The following DENND1B variants were observed in gnomAD, a reference collection of about 807,000 sequenced individuals.
The protein encoded by DENND1B is DENN domain-containing protein 1B.
DENND1B carries 59 observed loss-of-function variants against 90.1 expected under a neutral mutation model. That is an observed-to-expected ratio of 0.65 (90% CI 0.53 to 0.81). The LOEUF is 0.81. Ranked by LOEUF, DENND1B falls within the 40% of genes least tolerant of loss-of-function variation. The pLI is 0.00. For missense variants in DENND1B, 862 were observed against 912.6 expected, an observed-to-expected ratio of 0.94 and a Z score of 0.71; for synonymous variants, 337 against 324.6, an observed-to-expected ratio of 1.04 and a Z score of -0.41.
chr1:197,666,062 A>G (rs1002855830), intron 5 of DENND1B, among the ~76,000 whole-genome samples: 3 of 152,184 alleles, frequency 2.0e-5, no homozygotes, highest in Non-Finnish European at 4.4e-5. Flanking sequence ...ATATTTTAAC[A>G]TCCAAAAGTC....
Position 197,505,855 on chromosome 1 carries a change from T to A in DENND1B, c.*4605A>T. On this transcript the variant is annotated 3_prime_UTR_variant, in exon 23 of 23. Coordinates refer to ENST00000620048, the MANE Select transcript of DENND1B (RefSeq NM_001195215.2). ...GATTTAGGTGGTGCAGAACTGAGTA[T>A]CTGTTAAATGTACACATGTAGAATC... 6.6e-6 allele frequency: 1 copy of A among 151,662 alleles called. No individual in the cohort carries two copies. Among genetic ancestry groups the A allele is most frequent in the East Asian group, 1.9e-4 (1 of 5,154 alleles). 9.4% of individuals were successfully genotyped at this position (151,662 alleles called of 1,614,324 possible).
intron 2 of DENND1B, among the ~76,000 whole-genome samples, chr1:197,738,514 A>C (rs969291659): frequency 6.6e-6 from 1 of 152,214 alleles, no homozygotes; most frequent in Non-Finnish European, 1.5e-5. Context: ...TGGGTTATTA[A>C]CTGTGAAACA....
chr1:197,722,303 A>G (rs1262165847), intron 2 of DENND1B, among the ~76,000 whole-genome samples: 1 of 152,144 alleles, frequency 6.6e-6, no homozygotes, highest in Non-Finnish European at 1.5e-5. Context: ...TTAATCACCC[A>G]AAGTTACACT....
chr1:197,590,315 G>A (rs1675083863), intron 14 of DENND1B, among the ~76,000 whole-genome samples: 1 of 152,068 alleles, frequency 6.6e-6, no homozygotes, highest in Non-Finnish European at 1.5e-5. Flanking sequence ...GTTGGTCACC[G>A]AATGAGGATG....
intron 5 of DENND1B, among the ~76,000 whole-genome samples, chr1:197,668,617 T>A (rs991536253): frequency 1.3e-5 from 2 of 151,552 alleles, no homozygotes; most frequent in African/African-American, 2.4e-5. Context: ...GTTACTCTCA[T>A]TGTTTGTATA....
intron 2 of DENND1B, among the ~76,000 whole-genome samples, chr1:197,722,461 T>G (rs1558444580): frequency 6.6e-6 from 1 of 152,136 alleles, no homozygotes; most frequent in Non-Finnish European, 1.5e-5. Flanking sequence ...CATTAGACAG[T>G]AATTTAAAGA....
intron 2 of DENND1B, among the ~76,000 whole-genome samples, chr1:197,722,360 T>A (rs1924515): frequency 5.9e-4 from 90 of 152,254 alleles, no homozygotes; most frequent in African/African-American, 2.1e-3. Context: ...AGACTAGGAT[T>A]CAGGTATCCT....
At chr1:197,646,211 G>A (rs1680722086) in intron 8 of DENND1B, among the ~76,000 whole-genome samples, 1 of 151,762 alleles carries the variant, frequency 6.6e-6, no homozygotes, top group Non-Finnish European at 1.5e-5. Flanking sequence ...TTCCTGGGCT[G>A]GGTTTCTATG....
chr1:197,704,012 G>A (rs1659285742), intron 3 of DENND1B, among the ~76,000 whole-genome samples: 2 of 152,156 alleles, frequency 1.3e-5, no homozygotes, highest in East Asian at 1.9e-4. Context: ...GGAGACCAAG[G>A]TGGAAAAAAT....
At chr1:197,779,878 A>G (rs1657385411), upstream of DENND1B, among the ~76,000 whole-genome samples, 1 of 151,954 alleles carries the variant, frequency 6.6e-6, no homozygotes, top group Non-Finnish European at 1.5e-5. Flanking sequence ...GTTCATACTT[A>G]TGGTCTCTTG....
chr1:197,641,350 G>C (rs1000809372), intron 10 of DENND1B, among the ~76,000 whole-genome samples: 1 of 152,082 alleles, frequency 6.6e-6, no homozygotes, highest in Non-Finnish European at 1.5e-5. Context: ...TCAATAGTAA[G>C]TTAAAAAATA....
At chr1:197,690,555 G>C (rs770314389) in intron 3 of DENND1B, 15 of 227,112 alleles carry the variant, frequency 6.6e-5, no homozygotes, top group Non-Finnish European at 1.0e-4. Context: ...TGCTGTGGGT[G>C]TCTTCAAAGC....
At position 197,553,046 on chromosome 1, in the gene DENND1B, T is replaced by A. The variant is rs980512167; in HGVS notation, c.1216A>T (p.Ile406Phe). 3 of 1,570,748 alleles carry A rather than the reference T, an allele frequency of 1.9e-6. No individual in the cohort carries two copies. Among genetic ancestry groups the A allele is most frequent in the Non-Finnish European group, 2.6e-6 (3 of 1,165,196 alleles). Reference sequence around the variant, plus strand: ...CCTCCACAAAAGCCACCTGAAGTGATCTCTTCTTCAAATACATCAGAGAAA... The same window carrying A: ...CCTCCACAAAAGCCACCTGAAGTGAACTCTTCTTCAAATACATCAGAGAAA... ...RGFSDVFEEE[I>F]TSGGFCGGNP... Residue 406 changes from isoleucine to phenylalanine, a missense_variant, in exon 16 of 23, where the codon ATC (isoleucine) becomes TTC (phenylalanine). Coordinates refer to ENST00000620048, the MANE Select transcript of DENND1B (RefSeq NM_001195215.2).
intron 2 of DENND1B, among the ~76,000 whole-genome samples, chr1:197,719,434 A>G (rs1036583998): frequency 6.6e-6 from 1 of 152,168 alleles, no homozygotes; most frequent in Non-Finnish European, 1.5e-5. Context: ...TTGTTATAGG[A>G]AAAAGAGAAG....
chr1:197,552,197 T>C (rs763302826), intron 16 of DENND1B: 2 of 977,786 alleles, frequency 2.0e-6, no homozygotes, highest in Non-Finnish European at 2.4e-6. Context: ...AAAACAAACA[T>C]ACAAAGAAGT....
At chr1:197,559,746 C>A (rs912641554) in intron 15 of DENND1B, among the ~76,000 whole-genome samples, 2 of 151,774 alleles carry the variant, frequency 1.3e-5, no homozygotes, top group African/African-American at 4.8e-5. Context: ...TTAAATATTT[C>A]TTCTTAGAAA....
At chr1:197,627,764 G>A (rs931254517) in intron 10 of DENND1B, among the ~76,000 whole-genome samples, 1 of 152,144 alleles carries the variant, frequency 6.6e-6, no homozygotes, top group African/African-American at 2.4e-5. Context: ...TGACATTATT[G>A]TATATATAGA....
intron 4 of DENND1B, among the ~76,000 whole-genome samples, chr1:197,673,186 G>T (rs1482007152): frequency 1.3e-5 from 2 of 151,612 alleles, no homozygotes; most frequent in Non-Finnish European, 2.9e-5. Context: ...AGTGACAAAT[G>T]TGACCTCTAG....
chr1:197,549,769 T>C (rs1671079881), intron 16 of DENND1B, among the ~76,000 whole-genome samples: 1 of 152,090 alleles, frequency 6.6e-6, no homozygotes, highest in Non-Finnish European at 1.5e-5. Context: ...GTGGAAGATT[T>C]TGCAAGGGTC....
Sources: allele counts gnomAD v4.1 joint callset (sites outside exome capture counted in the v4.1 genomes callset), GRCh38; gene constraint gnomAD v4.1.1; transcripts MANE v1.5; gene names NCBI Gene and HGNC (gene_info 2026-07-23, HGNC 2026-07-21).